The following VAT1L variants were observed in gnomAD, a reference collection of about 807,000 sequenced individuals.
VAT1L encodes the protein putative NADPH-dependent quinone oxidoreductase VAT1L.
VAT1L carries 34 observed loss-of-function variants against 44.1 expected under a neutral mutation model. That is an observed-to-expected ratio of 0.77 (90% CI 0.59 to 1.03). VAT1L has a LOEUF of 1.03. Ranked by LOEUF, VAT1L falls within the 50% of genes least tolerant of loss-of-function variation. The pLI, the probability that VAT1L is intolerant of heterozygous loss-of-function variation, is 0.00. For synonymous variants in VAT1L, 253 were observed against 202.2 expected, an observed-to-expected ratio of 1.25 and a Z score of -2.13; for missense variants, 615 against 538.8, an observed-to-expected ratio of 1.14 and a Z score of -1.40.
intron 7 of VAT1L, among the ~76,000 whole-genome samples, chr16:77,894,460 C>A (rs1036579560): frequency 6.6e-6 from 1 of 152,252 alleles, no homozygotes; most frequent in East Asian, 1.9e-4. Flanking sequence ...CCACCTGGCA[C>A]TGAACAGGAC....
intron 3 of VAT1L, among the ~76,000 whole-genome samples, chr16:77,856,820 A>C (rs1026936265): frequency 6.6e-6 from 1 of 152,258 alleles, no homozygotes; most frequent in Non-Finnish European, 1.5e-5. Flanking sequence ...TCGAGGGCTT[A>C]GCTGCACAGA....
intron 7 of VAT1L, among the ~76,000 whole-genome samples, chr16:77,906,314 C>G (rs1346221548): frequency 2.0e-5 from 3 of 152,138 alleles, no homozygotes; most frequent in Non-Finnish European, 4.4e-5. Context: ...AAAACATCAC[C>G]AGGTCTGGGG....
intron 4 of VAT1L, among the ~76,000 whole-genome samples, chr16:77,867,340 C>T (rs1432679070): frequency 6.6e-6 from 1 of 152,084 alleles, no homozygotes; most frequent in African/African-American, 2.4e-5. Flanking sequence ...GTACAGTTTA[C>T]TGTATGTCAA....
At chr16:77,859,271 A>G (rs2016892130) in intron 3 of VAT1L, among the ~76,000 whole-genome samples, 2 of 152,128 alleles carry the variant, frequency 1.3e-5, no homozygotes, top group African/African-American at 2.4e-5. Flanking sequence ...CTACACTCCA[A>G]CCTGACAGAG....
At position 77,814,544 on chromosome 16, in the gene VAT1L, G is replaced by A. The variant is rs114700645; in HGVS notation, c.234-2377G>A. Among the ~76,000 whole-genome samples, 1,228 of 152,296 alleles carry A rather than the reference G, an allele frequency of 8.1e-3. 13 individuals carry two copies. The highest frequency in any genetic ancestry group is 0.028 in the African/African-American group (1,154 of 41,572). ...CCAGTTGAGCAGCGTAATAAGTGTC[G>A]AAGATGAGGCCTTCTCCAGGGGGCT... On this transcript the variant is annotated intron_variant, in intron 1 of 8. Coordinates refer to ENST00000302536, the MANE Select transcript of VAT1L (RefSeq NM_020927.3).
chr16:77,941,166 G>A (rs969740848), intron 7 of VAT1L, among the ~76,000 whole-genome samples: 5 of 152,074 alleles, frequency 3.3e-5, no homozygotes, highest in African/African-American at 7.2e-5. Flanking sequence ...TTGTACTAAG[G>A]TGGTACCTGG....
intron 7 of VAT1L, among the ~76,000 whole-genome samples, chr16:77,952,725 G>A (rs1176305618): frequency 6.6e-6 from 1 of 151,934 alleles, no homozygotes; most frequent in Non-Finnish European, 1.5e-5. Context: ...AGGCGTGGTG[G>A]CTCATGCCTG....
intron 2 of VAT1L, among the ~76,000 whole-genome samples, chr16:77,817,526 A>T (rs565252083): frequency 1.3e-5 from 2 of 152,286 alleles, no homozygotes; most frequent in East Asian, 3.9e-4. Flanking sequence ...TACTTCAGGA[A>T]TTGGGGAGGT....
At chr16:77,853,292 A>G (rs1236737429) in intron 3 of VAT1L, among the ~76,000 whole-genome samples, 1 of 152,190 alleles carries the variant, frequency 6.6e-6, no homozygotes, top group Admixed American at 6.5e-5. Flanking sequence ...AGGATCCCAC[A>G]CACTAAACCC....
chr16:77,859,577 T>C (rs2016895261), intron 3 of VAT1L, among the ~76,000 whole-genome samples: 1 of 152,166 alleles, frequency 6.6e-6, no homozygotes, highest in Non-Finnish European at 1.5e-5. Context: ...AGTGTTGTGT[T>C]TGAGAAATGT....
chr16:77,810,976 A>G lies in VAT1L; in HGVS notation c.234-5945A>G, dbSNP rs564770079. On this transcript the variant is annotated intron_variant, in intron 1 of 8. Transcript: ENST00000302536. Reference sequence around the variant, plus strand: ...AATGGGTTTCTGAAGATTCTTTGGCAGTCTGTCTCTTAATTGAACTAATGA... The same window carrying G: ...AATGGGTTTCTGAAGATTCTTTGGCGGTCTGTCTCTTAATTGAACTAATGA... 1.4e-4 allele frequency among the ~76,000 whole-genome samples: 21 copies of G among 152,344 alleles called. No individual in the cohort carries two copies. The East Asian group carries it at 3.7e-3, about 27-fold the overall frequency.
intron 3 of VAT1L, among the ~76,000 whole-genome samples, chr16:77,834,994 G>A (rs931015976): frequency 6.6e-6 from 1 of 152,152 alleles, no homozygotes; most frequent in African/African-American, 2.4e-5. Context: ...GTAAGTGTTA[G>A]CTATCTTTAT....
intron 3 of VAT1L, among the ~76,000 whole-genome samples, chr16:77,839,254 G>A (rs182578293): frequency 1.8e-4 from 28 of 152,148 alleles, no homozygotes; most frequent in African/African-American, 6.7e-4. Flanking sequence ...GCAACAACAC[G>A]GCCGGGCGCG....
intron 3 of VAT1L, among the ~76,000 whole-genome samples, chr16:77,839,491 G>A (rs1412143019): frequency 1.3e-4 from 16 of 127,902 alleles, no homozygotes; most frequent in African/African-American, 4.0e-4. Flanking sequence ...AGCCGAAATC[G>A]CGCCACTGCA....
At chr16:77,942,742 G>GT (rs920253723) in intron 7 of VAT1L, among the ~76,000 whole-genome samples, 53 of 152,000 alleles carry the variant, frequency 3.5e-4, no homozygotes, top group Admixed American at 3.4e-3. Flanking sequence ...GTTGTTTTTT[G>GT]TTTTTTGTCT....
chr16:77,859,781 C>T (rs1390397025), intron 3 of VAT1L, among the ~76,000 whole-genome samples: 1 of 152,150 alleles, frequency 6.6e-6, no homozygotes, highest in Non-Finnish European at 1.5e-5. Context: ...GGATGCTGCC[C>T]AGATTCCTGG....
At chr16:77,806,297 C>T (rs766439021) in intron 1 of VAT1L, among the ~76,000 whole-genome samples, 1 of 152,088 alleles carries the variant, frequency 6.6e-6, no homozygotes, top group Non-Finnish European at 1.5e-5. Context: ...GCAAGCTCCG[C>T]CTCCCGGGTT....
At chr16:77,809,121 C>T (rs1276508419) in intron 1 of VAT1L, among the ~76,000 whole-genome samples, 5 of 152,148 alleles carry the variant, frequency 3.3e-5, no homozygotes, top group East Asian at 3.9e-4. Context: ...CACTTGCTTT[C>T]GCAAGTAATG....
At chr16:77,896,332 G>A (rs2142471864) in intron 7 of VAT1L, among the ~76,000 whole-genome samples, 1 of 152,238 alleles carries the variant, frequency 6.6e-6, no homozygotes, top group Admixed American at 6.5e-5. Flanking sequence ...TCCCAACCCT[G>A]AGTTAGGAGG....
Sources: allele counts gnomAD v4.1 joint callset (sites outside exome capture counted in the v4.1 genomes callset), GRCh38; gene constraint gnomAD v4.1.1; transcripts MANE v1.5; gene names NCBI Gene and HGNC (gene_info 2026-07-23, HGNC 2026-07-21).